Variants in LAMB3 observed in about 807,000 individuals in gnomAD.
The protein encoded by LAMB3 is laminin subunit beta 3, also known as laminin subunit beta-3.
A neutral mutation model predicts 140.3 loss-of-function variants in LAMB3; 104 were observed. That is an observed-to-expected ratio of 0.74 (90% CI 0.63 to 0.87). The LOEUF (loss-of-function observed/expected upper bound fraction) is 0.87, where lower values mean the gene tolerates loss of function less well. Ranked by LOEUF, LAMB3 falls within the 40% of genes least tolerant of loss-of-function variation. The pLI, the probability that LAMB3 is intolerant of heterozygous loss-of-function variation, is 0.00. For synonymous variants in LAMB3, 592 were observed against 602.9 expected, an observed-to-expected ratio of 0.98 and a Z score of 0.26; for missense variants, 1,531 against 1,575.2, an observed-to-expected ratio of 0.97 and a Z score of 0.47.
At chr1:209,627,311 G>A (rs1666499605) in intron 12 of LAMB3, 72 bp downstream of exon 12, 2 of 1,260,876 alleles carry the variant, frequency 1.6e-6, no homozygotes, top group Non-Finnish European at 2.3e-6. Context: ...CAGCATGGAG[G>A]GGCAGCAGAG....
Position 209,623,659 on chromosome 1 carries a change from C to T in LAMB3, c.2204G>A (p.Ser735Asn). Residue 735 changes from serine (S) to asparagine (N), a missense_variant, in exon 16 of 23, where the codon AGC becomes AAC. Transcript: ENST00000356082. The surrounding 1 kb of genome is among the most constrained non-coding windows in gnomAD (Gnocchi z 4.2). ...CCTGAGCTGGTCCAAAAGGCGCGAG[C>T]TGTCGGAGACCTGCTGAGCAGCCTG... ...SAQAAQQVSD[S>N]SRLLDQLRDS... 2 of 1,614,198 alleles carry T rather than the reference C, an allele frequency of 1.2e-6. No homozygotes were observed. Among genetic ancestry groups the T allele is most frequent in the Non-Finnish European group, 1.7e-6 (2 of 1,180,028 alleles).
In LAMB3 at chr1:209,630,659, C is replaced by A; in HGVS notation, c.899G>T (p.Arg300Leu). Residue 300 changes from arginine to leucine, a missense_variant, in exon 9 of 23, where the codon CGG becomes CTG. Coordinates refer to ENST00000356082, the MANE Select transcript of LAMB3 (RefSeq NM_000228.3). ...CERCAPFYNNRPWRPAEGQDA... is the reference protein window; with the variant it reads ...CERCAPFYNNLPWRPAEGQDA... ...CTGGCCCTCCGCCGGTCTCCAGGGC[C>A]GGTTGTTGTAGAAGGGTGCACAGCG... 1 of 1,614,072 alleles carries A rather than the reference C, an allele frequency of 6.2e-7. No individual in the cohort carries two copies. Among genetic ancestry groups the A allele is most frequent in the Non-Finnish European group, 8.5e-7 (1 of 1,180,016 alleles).
chr1:209,644,196 C>A (rs113603124), intron 3 of LAMB3, among the ~76,000 whole-genome samples: 4 of 152,174 alleles, frequency 2.6e-5, no homozygotes, highest in African/African-American at 7.2e-5. Context: ...CTAGTGCAGG[C>A]GCTGGGTGGG....
intron 14 of LAMB3, among the ~76,000 whole-genome samples, chr1:209,625,316 C>T (rs1269555962): frequency 2.6e-5 from 4 of 152,158 alleles, no homozygotes; most frequent in Admixed American, 2.0e-4. Context: ...ATGCCCTCCG[C>T]CAGGGTGACT....
chr1:209,645,328 CA>C (rs1207531706), intron 3 of LAMB3, among the ~76,000 whole-genome samples: 3 of 152,150 alleles, frequency 2.0e-5, no homozygotes, highest in Non-Finnish European at 4.4e-5. Context: ...GTGTTTTAAA[CA>C]AGGAACTCAG....
At chr1:209,619,583 A>T (rs2102408228) in intron 18 of LAMB3, among the ~76,000 whole-genome samples, 1 of 152,364 alleles carries the variant, frequency 6.6e-6, no homozygotes, top group African/African-American at 2.4e-5. Context: ...CATTTGCAAG[A>T]GTTGTTACAA....
At chr1:209,643,939 T>C (rs528687163) in intron 3 of LAMB3, among the ~76,000 whole-genome samples, 10 of 152,318 alleles carry the variant, frequency 6.6e-5, no homozygotes, top group African/African-American at 2.4e-4. Context: ...TTAGAGTTCT[T>C]CCCTGCTCTA....
chr1:209,630,522 G>A, intron 9 of LAMB3, 93 bp downstream of exon 9: 2 of 1,369,078 alleles, frequency 1.5e-6, no homozygotes, highest in Non-Finnish European at 2.1e-6. Context: ...AGAAAGACTG[G>A]ATCCCCCTGC....
intron 22 of LAMB3, 41 bp downstream of exon 22, chr1:209,616,430 A>G: frequency 2.5e-6 from 4 of 1,612,434 alleles, no homozygotes; most frequent in Non-Finnish European, 2.5e-6. Flanking sequence ...ACCAGCCTTC[A>G]TGAATGCCCA....
rs551856070 is a variant in LAMB3, at chr1:209,649,881, C to T, written c.183+83G>A. 1.4e-3 allele frequency: 2,112 copies of T among 1,495,356 alleles called. 3 individuals are homozygous for T. The highest frequency in any genetic ancestry group is 1.8e-3 in the South Asian group (155 of 87,960). 92.6% of individuals were successfully genotyped at this position (1,495,356 alleles called of 1,614,324 possible). ...CACAGGGCTTGGCCTACACCAAGTA[C>T]ATTCTAAGTATTCAGTGGACAAATG... On this transcript the variant is annotated intron_variant, in intron 3 of 22. Coordinates refer to ENST00000356082, the MANE Select transcript of LAMB3 (RefSeq NM_000228.3).
intron 21 of LAMB3, 94 bp from the exon 22 acceptor site, chr1:209,616,718 C>G (rs949841470): frequency 1.6e-6 from 2 of 1,275,852 alleles, no homozygotes; most frequent in African/African-American, 2.9e-5. Context: ...AATCAATACA[C>G]AGTGGGAAGG....
intron 20 of LAMB3, 130 bp from the exon 21 acceptor site, chr1:209,617,716 C>G (rs192791112): frequency 8.0e-7 from 1 of 1,246,346 alleles, no homozygotes; most frequent in African/African-American, 1.5e-5. Context: ...TTGCCCACCT[C>G]TCACCCCTCC....
rs886045867 is a variant in LAMB3 at position 209,630,615 on chromosome 1, T to G, written c.943A>C (p.Arg315=). 6.2e-6 allele frequency: 10 copies of G among 1,614,188 alleles called. No homozygotes were observed. Among genetic ancestry groups the G allele is most frequent in the Non-Finnish European group, 8.5e-6 (10 of 1,180,024 alleles). The part of the protein sequence containing the change: ...AEGQDAHECQ[R]CDCNGHSETC... ...GGGAGGGGTGATCCAAAGCTCCTAC[T>G]TTGGCATTCATGGGCGTCCTGGCCC... is the stretch of plus-strand genomic sequence containing the variant. The change falls in exon 9 of 23, where the codon AGG becomes CGG. Residue 315 remains arginine, a splice_region_variant and synonymous_variant. Transcript: ENST00000356082.
At chr1:209,648,491 T>G (rs764047507) in intron 3 of LAMB3, among the ~76,000 whole-genome samples, 57 of 152,158 alleles carry the variant, frequency 3.7e-4, no homozygotes, top group Non-Finnish European at 5.6e-4. Flanking sequence ...TAGCTGAGAT[T>G]TATCCATCCC....
At chr1:209,621,942 T>C (rs1666209924) in intron 18 of LAMB3, among the ~76,000 whole-genome samples, 2 of 152,256 alleles carry the variant, frequency 1.3e-5, no homozygotes, top group South Asian at 4.1e-4. Context: ...AATCCACTTG[T>C]TGACAACTGA....
chr1:209,625,017 T>G (rs1666376845), intron 14 of LAMB3, among the ~76,000 whole-genome samples: 1 of 152,136 alleles, frequency 6.6e-6, no homozygotes, highest in South Asian at 2.1e-4. Flanking sequence ...AATATTCGCT[T>G]GAGTTCCTCT....
At chr1:209,644,655 T>C (rs764048493) in intron 3 of LAMB3, among the ~76,000 whole-genome samples, 21 of 152,078 alleles carry the variant, frequency 1.4e-4, no homozygotes, top group Non-Finnish European at 2.6e-4. Flanking sequence ...TCAAGGAGCA[T>C]AGCAGTCACT....
Position 209,623,586 on chromosome 1 carries a change from T to C in LAMB3, c.2277A>G (p.Gly759=), listed in dbSNP as rs756465011. The part of the protein sequence containing the change: ...AERLVRQAGG[G]GGTGSPKLVA... ...CAAGCTTGGGGCTGCCGGTGCCTCCTCCTCCTCCCGCCTGCCGCACCAGCC... is the reference window on the plus strand; with the variant it reads ...CAAGCTTGGGGCTGCCGGTGCCTCCCCCTCCTCCCGCCTGCCGCACCAGCC... The change falls in exon 16 of 23, where the codon GGA becomes GGG. Residue 759 remains glycine, a synonymous_variant. Transcript: ENST00000356082. The surrounding 1 kb of genome is among the most constrained non-coding windows in gnomAD (Gnocchi z 4.2). 2.5e-6 allele frequency: 4 copies of C among 1,613,770 alleles called. No homozygotes were observed. The African/African-American group carries it at 5.3e-5, about 22-fold the overall frequency.
intron 13 of LAMB3, 112 bp downstream of exon 13, chr1:209,626,755 T>C: frequency 2.5e-6 from 2 of 791,534 alleles, no homozygotes; most frequent in Non-Finnish European, 4.3e-6. Context: ...CCACACCACA[T>C]GCATCAGTAC....
Sources: allele counts gnomAD v4.1 joint callset (sites outside exome capture counted in the v4.1 genomes callset), GRCh38; gene constraint gnomAD v4.1.1; non-coding constraint Gnocchi (gnomAD v3.1); transcripts MANE v1.5; gene names NCBI Gene and HGNC (gene_info 2026-07-23, HGNC 2026-07-21).